FRMD4A: variants seen among roughly 807,000 people sequenced by gnomAD.
The protein encoded by FRMD4A is FERM domain-containing protein 4A.
In FRMD4A, 29 loss-of-function variants were observed where a neutral mutation model predicts 129.1. That is an observed-to-expected ratio of 0.22 (90% CI 0.17 to 0.31). The LOEUF (loss-of-function observed/expected upper bound fraction) is 0.31, where lower values mean the gene tolerates loss of function less well. Ranked by LOEUF, FRMD4A falls within the 10% of genes least tolerant of loss-of-function variation. The pLI is 1.00. For synonymous variants in FRMD4A, 634 were observed against 571.6 expected, an observed-to-expected ratio of 1.11 and a Z score of -1.56; for missense variants, 1,272 against 1,375.8, an observed-to-expected ratio of 0.92 and a Z score of 1.19.
At chr10:13,974,979 AGG>A (rs2095536285) in intron 2 of FRMD4A, among the ~76,000 whole-genome samples, 1 of 128,044 alleles carries the variant, frequency 7.8e-6, no homozygotes, top group African/African-American at 2.9e-5. Flanking sequence ...AATTCACTAT[AGG>A]TGTGTGTGTG....
In FRMD4A at chr10:13,779,987, G is replaced by A. The variant is rs1025473199; in HGVS notation, c.384+2935C>T. On this transcript the variant is annotated intron_variant, in intron 6 of 24. Transcript: ENST00000357447. The stretch of plus-strand genomic sequence containing the variant: ...ATGAGACATTCATTGCATTCGTTAT[G>A]TGCATGCCGGGGGTAGCCAGTGGAG... Among the ~76,000 whole-genome samples, 7 of 152,234 alleles carry A rather than the reference G, an allele frequency of 4.6e-5. No individual in the cohort carries two copies. In the East Asian group the frequency reaches 5.8e-4, roughly 13 times the overall value.
chr10:14,033,724 G>T (rs913169846), intron 2 of FRMD4A, among the ~76,000 whole-genome samples: 1 of 151,218 alleles, frequency 6.6e-6, no homozygotes, highest in Admixed American at 6.6e-5. Flanking sequence ...GGTGGAGGTT[G>T]CAGTGAGCCG....
chr10:13,918,335 C>T (rs1375080281), intron 2 of FRMD4A, among the ~76,000 whole-genome samples: 2 of 152,106 alleles, frequency 1.3e-5, no homozygotes, highest in Non-Finnish European at 2.9e-5. Flanking sequence ...CCCATCTTAG[C>T]CCCCAGCTCT....
chr10:13,728,760 C>T (rs1346966026), intron 12 of FRMD4A, among the ~76,000 whole-genome samples: 1 of 151,348 alleles, frequency 6.6e-6, no homozygotes, highest in African/African-American at 2.4e-5. Flanking sequence ...TTAGTAGAGA[C>T]GGGGTTTTAT....
chr10:14,177,234 G>C (rs1841762192), intron 2 of FRMD4A, among the ~76,000 whole-genome samples: 1 of 151,866 alleles, frequency 6.6e-6, no homozygotes, highest in Non-Finnish European at 1.5e-5. Flanking sequence ...GTATCGCTCT[G>C]TTGCCCGGGC....
At chr10:14,149,958 T>A (rs1484425977) in intron 2 of FRMD4A, among the ~76,000 whole-genome samples, 3 of 152,160 alleles carry the variant, frequency 2.0e-5, no homozygotes, top group Admixed American at 6.5e-5. Flanking sequence ...ACAGGAGACA[T>A]GGCTGGGGAG....
intron 2 of FRMD4A, chr10:14,326,882 A>G (rs374124430): frequency 7.6e-6 from 3 of 395,802 alleles, no homozygotes; most frequent in Non-Finnish European, 1.3e-5. Context: ...TCTTGCAAAG[A>G]TGGGAGAGGC....
chr10:14,218,602 C>T (rs1241239495), intron 2 of FRMD4A, among the ~76,000 whole-genome samples: 1 of 151,998 alleles, frequency 6.6e-6, no homozygotes, highest in Non-Finnish European at 1.5e-5. Context: ...GCCTGTAATC[C>T]CGGTACTTTG....
intron 13 of FRMD4A, 62 bp from the exon 14 acceptor site, chr10:13,701,540 C>A: frequency 6.5e-7 from 1 of 1,527,782 alleles, no homozygotes; most frequent in South Asian, 1.2e-5. Flanking sequence ...ATTTCTCAGT[C>A]AACAGCTTCT....
intron 2 of FRMD4A, among the ~76,000 whole-genome samples, chr10:14,151,851 G>C (rs1840354900): frequency 6.6e-6 from 1 of 151,772 alleles, no homozygotes; most frequent in South Asian, 2.1e-4. Context: ...GCAGGCCCCT[G>C]TTCCCTTCAC....
chr10:14,152,159 G>A (rs148367715), intron 2 of FRMD4A, among the ~76,000 whole-genome samples: 3,083 of 109,184 alleles, frequency 0.028, 56 homozygotes, highest in Non-Finnish European at 0.039. Flanking sequence ...ACATAGTCTC[G>A]CTCTGTCGCC....
At chr10:13,930,389 A>G (rs2095179727) in intron 2 of FRMD4A, among the ~76,000 whole-genome samples, 1 of 152,204 alleles carries the variant, frequency 6.6e-6, no homozygotes, top group South Asian at 2.1e-4. Context: ...AGCGTCTGAT[A>G]ATGCTGGTCT....
At chr10:13,656,118 C>T (rs1190542601) in intron 22 of FRMD4A, among the ~76,000 whole-genome samples, 4 of 152,098 alleles carry the variant, frequency 2.6e-5, no homozygotes, top group African/African-American at 7.2e-5. Context: ...CCAGGAGCAG[C>T]CAGGAATTCT....
At chr10:13,771,960 A>G (rs902698276) in intron 6 of FRMD4A, among the ~76,000 whole-genome samples, 1 of 151,266 alleles carries the variant, frequency 6.6e-6, no homozygotes, top group African/African-American at 2.4e-5. Flanking sequence ...CACAAAAAAA[A>G]CAAATTAGCT....
intron 4 of FRMD4A, among the ~76,000 whole-genome samples, chr10:13,799,025 C>T (rs1443295967): frequency 6.6e-6 from 1 of 152,242 alleles, no homozygotes; most frequent in African/African-American, 2.4e-5. Context: ...TCTTCCCACA[C>T]CACACACCGG....
chr10:13,774,807 G>A, intron 6 of FRMD4A, among the ~76,000 whole-genome samples: 1 of 150,622 alleles, frequency 6.6e-6, no homozygotes. Flanking sequence ...CAAATAAACT[G>A]GAAAAAAAGA....
intron 12 of FRMD4A, chr10:13,707,900 AG>A: frequency 1.0e-6 from 1 of 985,232 alleles, no homozygotes; most frequent in Non-Finnish European, 1.2e-6. Context: ...TTAACTGAGA[AG>A]CTGACTGTAA....
chr10:14,043,952 G>T (rs954450184), intron 2 of FRMD4A, among the ~76,000 whole-genome samples: 4 of 152,142 alleles, frequency 2.6e-5, no homozygotes, highest in Non-Finnish European at 5.9e-5. Flanking sequence ...TCATTCTCCT[G>T]AATAGCTGGG....
At chr10:13,959,489 A>G (rs2095432659) in intron 2 of FRMD4A, among the ~76,000 whole-genome samples, 1 of 77,310 alleles carries the variant, frequency 1.3e-5, no homozygotes, top group Non-Finnish European at 2.2e-5. Context: ...AAAAAAAAAA[A>G]AAAAAAAAAA....
Sources: allele counts gnomAD v4.1 joint callset (sites outside exome capture counted in the v4.1 genomes callset), GRCh38; gene constraint gnomAD v4.1.1; transcripts MANE v1.5; gene names NCBI Gene and HGNC (gene_info 2026-07-23, HGNC 2026-07-21).